HS3ST4: variants seen among roughly 807,000 people sequenced by gnomAD.
HS3ST4 encodes heparan sulfate-glucosamine 3-sulfotransferase 4, also known as heparan sulfate glucosamine 3-O-sulfotransferase 4.
Under a neutral mutation model 29.2 loss-of-function variants are expected in HS3ST4, and 17 were observed. That is an observed-to-expected ratio of 0.58 (90% CI 0.40 to 0.87). The LOEUF is 0.87. Ranked by LOEUF, HS3ST4 falls within the 40% of genes least tolerant of loss-of-function variation. HS3ST4 has a pLI of 0.00. For synonymous variants in HS3ST4, 314 were observed against 285.7 expected (o/e 1.10, Z -1.00); for missense variants, 627 against 634.5 (o/e 0.99, Z 0.13).
intron 1 of HS3ST4, among the ~76,000 whole-genome samples, chr16:26,009,607 G>A (rs1251650606): frequency 6.6e-6 from 1 of 152,178 alleles, no homozygotes; most frequent in Non-Finnish European, 1.5e-5. Flanking sequence ...GTGTGCAGGT[G>A]GATGCAAGCA....
chr16:25,972,246 A>G (rs1968905707), intron 1 of HS3ST4, among the ~76,000 whole-genome samples: 1 of 152,242 alleles, frequency 6.6e-6, no homozygotes, highest in Non-Finnish European at 1.5e-5. Context: ...CTATTGCCGC[A>G]TAACAGGTGG....
intron 1 of HS3ST4, among the ~76,000 whole-genome samples, chr16:25,716,405 T>C (rs60961767): frequency 0.011 from 1,677 of 152,314 alleles, 10 homozygotes; most frequent in South Asian, 0.028. Context: ...TGTGGCAACT[T>C]CTGGGAAACA....
intron 1 of HS3ST4, among the ~76,000 whole-genome samples, chr16:25,888,746 G>A (rs1358983798): frequency 2.6e-5 from 4 of 152,178 alleles, no homozygotes; most frequent in Non-Finnish European, 5.9e-5. Context: ...AAATAAGAGA[G>A]AGTAGATGTT....
intron 1 of HS3ST4, among the ~76,000 whole-genome samples, chr16:26,024,229 A>G (rs954475382): frequency 2.7e-5 from 1 of 36,934 alleles, no homozygotes; most frequent in African/African-American, 1.1e-4. Flanking sequence ...TCTCAAAAGG[A>G]AAAAAAAAAA....
intron 1 of HS3ST4, among the ~76,000 whole-genome samples, chr16:25,751,886 T>C (rs1567232791): frequency 6.6e-6 from 1 of 152,148 alleles, no homozygotes; most frequent in Non-Finnish European, 1.5e-5. Context: ...CCACAGTGGA[T>C]GAAAGGAGGT....
At chr16:25,840,966 ATTTGTTTG>A (rs145806769) in intron 1 of HS3ST4, among the ~76,000 whole-genome samples, 28 of 143,160 alleles carry the variant, frequency 2.0e-4, no homozygotes, top group Non-Finnish European at 3.5e-4. Context: ...TTTAATTTAT[ATTTGTTTG>A]TTTATTTATT....
At chr16:26,112,381 CTT>C (rs386384539) in intron 1 of HS3ST4, among the ~76,000 whole-genome samples, 13,307 of 111,640 alleles carry the variant, frequency 0.12, 644 homozygotes, top group Admixed American at 0.2. Flanking sequence ...GCCTCTACAT[CTT>C]TTTTTTTTTT....
At chr16:26,085,197 C>T (rs191268661) in intron 1 of HS3ST4, among the ~76,000 whole-genome samples, 1 of 152,318 alleles carries the variant, frequency 6.6e-6, no homozygotes, top group African/African-American at 2.4e-5. Flanking sequence ...AATTCTGATG[C>T]TTCCTAGCAA....
intron 1 of HS3ST4, among the ~76,000 whole-genome samples, chr16:26,015,640 T>C (rs1969355585): frequency 6.6e-6 from 1 of 152,184 alleles, no homozygotes; most frequent in Non-Finnish European, 1.5e-5. Context: ...TGGTTGGTCT[T>C]TGTGGCATAG....
At chr16:25,958,203 G>A (rs1453926572) in intron 1 of HS3ST4, among the ~76,000 whole-genome samples, 1 of 152,308 alleles carries the variant, frequency 6.6e-6, no homozygotes, top group African/African-American at 2.4e-5. Context: ...TTGTTATAAG[G>A]CAGATGCCAT....
intron 1 of HS3ST4, among the ~76,000 whole-genome samples, chr16:26,097,190 A>G (rs1174330238): frequency 6.6e-6 from 1 of 152,240 alleles, no homozygotes; most frequent in East Asian, 1.9e-4. Flanking sequence ...TGCCATCCCC[A>G]TCAAGCTACC....
At chr16:25,716,316 C>A (rs1966453864) in intron 1 of HS3ST4, among the ~76,000 whole-genome samples, 2 of 152,192 alleles carry the variant, frequency 1.3e-5, no homozygotes, top group African/African-American at 4.8e-5. Context: ...GGAATAAAGA[C>A]TACATTTCCC....
At chr16:26,035,868 A>G (rs1186439884) in intron 1 of HS3ST4, among the ~76,000 whole-genome samples, 1 of 152,210 alleles carries the variant, frequency 6.6e-6, no homozygotes, top group Admixed American at 6.5e-5. Context: ...GACACCTTGG[A>G]GCTGAAAGTC....
intron 1 of HS3ST4, among the ~76,000 whole-genome samples, chr16:25,722,690 A>G (rs1365417253): frequency 6.6e-6 from 1 of 152,210 alleles, no homozygotes; most frequent in African/African-American, 2.4e-5. Context: ...TCTGGAGCCA[A>G]CTGCTTGGCT....
intron 1 of HS3ST4, among the ~76,000 whole-genome samples, chr16:25,851,906 A>G (rs1168504409): frequency 6.6e-6 from 1 of 152,166 alleles, no homozygotes; most frequent in East Asian, 1.9e-4. Context: ...CCATGCTATG[A>G]TAACAATGGC....
intron 1 of HS3ST4, among the ~76,000 whole-genome samples, chr16:25,916,836 CG>C (rs1320358441): frequency 1.3e-5 from 2 of 151,416 alleles, no homozygotes; most frequent in Non-Finnish European, 1.5e-5. Flanking sequence ...CCTGCGACCA[CG>C]CCCGGCTGAT....
intron 1 of HS3ST4, among the ~76,000 whole-genome samples, chr16:26,051,104 A>C (rs1277613037): frequency 1.3e-5 from 2 of 152,116 alleles, no homozygotes; most frequent in Admixed American, 6.5e-5. Context: ...GAGTTTTAAT[A>C]ATGAGCCCAA....
chr16:25,701,452 T>C (rs1452406915), intron 1 of HS3ST4, among the ~76,000 whole-genome samples: 1 of 152,032 alleles, frequency 6.6e-6, no homozygotes, highest in Non-Finnish European at 1.5e-5. Context: ...CCACATGAAA[T>C]AGTTTCCCCA....
chr16:25,844,404 G>A (rs1301969654), intron 1 of HS3ST4, among the ~76,000 whole-genome samples: 1 of 152,058 alleles, frequency 6.6e-6, no homozygotes, highest in Non-Finnish European at 1.5e-5. Flanking sequence ...AACATATCTT[G>A]GCCAGTTTTC....
Sources: allele counts gnomAD v4.1 joint callset (sites outside exome capture counted in the v4.1 genomes callset), GRCh38; gene constraint gnomAD v4.1.1; transcripts MANE v1.5; gene names NCBI Gene and HGNC (gene_info 2026-07-23, HGNC 2026-07-21).